The following NFIA variants were observed in gnomAD, a reference collection of about 807,000 sequenced individuals.
The protein encoded by NFIA is nuclear factor I A, also known as nuclear factor 1 A-type.
NFIA carries 8 observed loss-of-function variants against 62.8 expected under a neutral mutation model. The ratio of observed to expected loss-of-function variants is 0.13; its 90% confidence interval spans 0.07 to 0.23. The LOEUF is 0.23. Among genes scored for constraint, NFIA ranks in the 10% least tolerant of loss-of-function variants. NFIA has a pLI of 1.00. For synonymous variants in NFIA, 235 were observed against 238.1 expected (o/e 0.99, Z 0.12); for missense variants, 410 against 642.1 (o/e 0.64, Z 3.91).
At chr1:61,272,978 A>G (rs982295436) in intron 2 of NFIA, among the ~76,000 whole-genome samples, 3 of 152,168 alleles carry the variant, frequency 2.0e-5, no homozygotes, top group Non-Finnish European at 2.9e-5. Context: ...ATCATTATGC[A>G]TGTAGGGAGG....
At chr1:61,294,131 G>C (rs566603860) in intron 3 of NFIA, among the ~76,000 whole-genome samples, 79 of 152,318 alleles carry the variant, frequency 5.2e-4, no homozygotes, top group Non-Finnish European at 8.5e-4. Flanking sequence ...TTGCAGGTGT[G>C]TAAGCACAGT....
chr1:61,173,473 C>T (rs1650108892), intron 2 of NFIA, among the ~76,000 whole-genome samples: 1 of 152,028 alleles, frequency 6.6e-6, no homozygotes, highest in Non-Finnish European at 1.5e-5. Flanking sequence ...CTGCAGCTTC[C>T]ACCTCCTGGG....
At chr1:61,377,248 A>G (rs72666659) in intron 6 of NFIA, among the ~76,000 whole-genome samples, 11,989 of 151,596 alleles carry the variant, frequency 0.079, 546 homozygotes, top group Middle Eastern at 0.12. Flanking sequence ...AGAGAAGAAA[A>G]TGTAAGGATT....
At chr1:61,397,916 G>A (rs546769681) in intron 7 of NFIA, among the ~76,000 whole-genome samples, 2 of 152,062 alleles carry the variant, frequency 1.3e-5, no homozygotes, top group East Asian at 1.9e-4. Context: ...AAAGTCTACC[G>A]TGGAGAGTTA....
chr1:61,320,472 C>G (rs1337472127), intron 3 of NFIA, among the ~76,000 whole-genome samples: 4 of 152,064 alleles, frequency 2.6e-5, no homozygotes, highest in Non-Finnish European at 4.4e-5. Context: ...TTTTGTGGTT[C>G]TAAACATTAG....
chr1:61,258,757 C>T (rs1029801388), intron 2 of NFIA, among the ~76,000 whole-genome samples: 2 of 151,996 alleles, frequency 1.3e-5, no homozygotes, highest in African/African-American at 4.8e-5. Context: ...GAAACAGGGT[C>T]TCACTTTGCC....
chr1:61,454,867 A>C (rs1668230734), intron 10 of NFIA, among the ~76,000 whole-genome samples: 1 of 152,180 alleles, frequency 6.6e-6, no homozygotes. Context: ...TCATTGCCAC[A>C]TGAAACCCCT....
chr1:61,286,622 G>C (rs1341644641), intron 3 of NFIA, among the ~76,000 whole-genome samples: 2 of 152,094 alleles, frequency 1.3e-5, no homozygotes. Context: ...GCATGTTCTA[G>C]GCATCACACT....
intron 2 of NFIA, among the ~76,000 whole-genome samples, chr1:61,102,444 A>T (rs982471299): frequency 2.6e-5 from 4 of 152,182 alleles, no homozygotes; most frequent in African/African-American, 7.2e-5. Flanking sequence ...AGCTTAAAAA[A>T]TTTGAAAATC....
At chr1:61,191,829 A>G (rs1038286479) in intron 2 of NFIA, among the ~76,000 whole-genome samples, 5 of 147,892 alleles carry the variant, frequency 3.4e-5, no homozygotes, top group Non-Finnish European at 3.0e-5. Context: ...TCTAGATGCT[A>G]AGTAACTCTT....
At chr1:61,297,383 G>A (rs1446735574) in intron 3 of NFIA, among the ~76,000 whole-genome samples, 1 of 152,094 alleles carries the variant, frequency 6.6e-6, no homozygotes, top group Non-Finnish European at 1.5e-5. Context: ...CCCCATCATT[G>A]CAAACCACTG....
intron 1 of NFIA, among the ~76,000 whole-genome samples, 172 bp downstream of exon 1, chr1:61,082,990 G>T (rs1646142926): frequency 8.4e-6 from 1 of 118,980 alleles, no homozygotes; most frequent in Non-Finnish European, 1.7e-5. Flanking sequence ...GCCCGCGGGT[G>T]GGGGGGGGGA....
chr1:61,211,468 A>G (rs570369212), intron 2 of NFIA, among the ~76,000 whole-genome samples: 1 of 152,228 alleles, frequency 6.6e-6, no homozygotes, highest in Non-Finnish European at 1.5e-5. Context: ...ACCAAGCTAA[A>G]TGCTTTCATG....
chr1:61,230,469 C>T (rs1406846909), intron 2 of NFIA, among the ~76,000 whole-genome samples: 4 of 152,112 alleles, frequency 2.6e-5, no homozygotes, highest in African/African-American at 9.7e-5. Flanking sequence ...ACTAAGTTCC[C>T]CGAGTCCACC....
intron 4 of NFIA, among the ~76,000 whole-genome samples, chr1:61,335,970 G>A (rs1221003398): frequency 6.6e-6 from 1 of 152,176 alleles, no homozygotes; most frequent in Admixed American, 6.5e-5. Context: ...CATATACCAT[G>A]TACCAGGCAT....
At chr1:61,269,919 G>C (rs1657406457) in intron 2 of NFIA, among the ~76,000 whole-genome samples, 1 of 152,140 alleles carries the variant, frequency 6.6e-6, no homozygotes, top group Non-Finnish European at 1.5e-5. Context: ...ACTACTTCCT[G>C]GCTTAGACAA....
chr1:61,396,772 G>A (rs1384611380), intron 7 of NFIA, among the ~76,000 whole-genome samples: 1 of 152,034 alleles, frequency 6.6e-6, no homozygotes. Context: ...GGCCGAGGCA[G>A]GTAGATTGCC....
chr1:61,129,335 T>G (rs1029140021), intron 2 of NFIA, among the ~76,000 whole-genome samples: 89 of 152,244 alleles, frequency 5.8e-4, no homozygotes, highest in African/African-American at 1.9e-3. Context: ...ATATCAGCCA[T>G]TATTTTACAG....
chr1:61,117,887 G>A lies in NFIA; in HGVS notation c.559+29207G>A, dbSNP rs369703973. ...GCTTTCCAGTGGGGCACAAATTATG[G>A]AACATCGTCTGGCTGGCCGGGCGTG... is the stretch of plus-strand genomic sequence containing the variant. On this transcript the variant is annotated intron_variant, in intron 2 of 10. Transcript: ENST00000403491. Among the ~76,000 whole-genome samples, 452 of 152,114 alleles carry A rather than the reference G, an allele frequency of 3.0e-3. 20 individuals carry two copies. In the South Asian group the frequency reaches 0.09, roughly 30 times the overall value.
Sources: allele counts gnomAD v4.1 joint callset (sites outside exome capture counted in the v4.1 genomes callset), GRCh38; gene constraint gnomAD v4.1.1; transcripts MANE v1.5; gene names NCBI Gene and HGNC (gene_info 2026-07-23, HGNC 2026-07-21).